The following GATAD2B variants were observed in gnomAD, a reference collection of about 807,000 sequenced individuals.
The protein encoded by GATAD2B is transcriptional repressor p66-beta.
In GATAD2B, 8 loss-of-function variants were observed where a neutral mutation model predicts 64.3. The ratio of observed to expected loss-of-function variants is 0.12; its 90% CI spans 0.07 to 0.22. GATAD2B has a LOEUF of 0.22. Among genes scored for constraint, GATAD2B ranks in the 10% least tolerant of loss-of-function variants. GATAD2B has a pLI of 1.00. For synonymous variants in GATAD2B, 281 were observed against 271.3 expected (o/e 1.04, Z -0.35); for missense variants, 453 against 752.0 (o/e 0.60, Z 4.65).
In GATAD2B at chr1:153,817,449, C is replaced by T; in HGVS notation, c.823G>A (p.Gly275Ser). The change falls in exon 6 of 11, where the codon GGT becomes AGT. Residue 275 changes from glycine to serine, a missense_variant. Physicochemically the swap from Gly to Ser is moderately conservative, Grantham distance 56. Around this residue, in one of 2 missense-constraint regions of GATAD2B, gnomAD observed 293 missense variants for 417.2 expected, o/e 0.70. Coordinates refer to ENST00000368655, the MANE Select transcript of GATAD2B (RefSeq NM_020699.4). ...CCAGGCTTAGGCGGGCCCCGCTGACCCTGTAGCTGGGCTGGGTTTGGTGCA... is the reference window on the plus strand; with the variant it reads ...CCAGGCTTAGGCGGGCCCCGCTGACTCTGTAGCTGGGCTGGGTTTGGTGCA... ...VIAPNPAQLQ[G>S]QRGPPKPGLV... is the part of the protein sequence containing the mutation. 1 of 1,613,248 alleles carries T rather than the reference C, an allele frequency of 6.2e-7. No homozygotes were observed. The highest frequency in any genetic ancestry group is 1.7e-5 in the Admixed American group (1 of 59,738).
intron 1 of GATAD2B, among the ~76,000 whole-genome samples, chr1:153,889,404 C>A (rs1385328072): frequency 7.7e-6 from 1 of 130,000 alleles, no homozygotes; most frequent in Admixed American, 8.2e-5. Flanking sequence ...AAGAGCGAAA[C>A]CCCGTCTCCA....
chr1:153,867,207 A>T (rs919934619), intron 1 of GATAD2B, among the ~76,000 whole-genome samples: 2 of 152,162 alleles, frequency 1.3e-5, no homozygotes, highest in African/African-American at 4.8e-5. Flanking sequence ...TTCTAAGAGG[A>T]GACTTAGATA....
At position 153,819,744 on chromosome 1, in the gene GATAD2B, GA is replaced by G; in HGVS notation, c.336-10del. On this transcript the variant is annotated splice_polypyrimidine_tract_variant and intron_variant, in intron 2 of 10. Coordinates refer to ENST00000368655, the MANE Select transcript of GATAD2B (RefSeq NM_020699.4). Reference sequence around the variant, plus strand: ...TTCCTCGCTCTGGCTCACTAGACAAGAAAGGGAAAAAATAAGCTATTTCCAA... The same window carrying G: ...TTCCTCGCTCTGGCTCACTAGACAAGAAGGGAAAAAATAAGCTATTTCCAA... The G allele has an allele frequency of 6.3e-7, 1 of 1,578,090 alleles. No individual in the cohort carries two copies.
intron 1 of GATAD2B, among the ~76,000 whole-genome samples, chr1:153,871,253 G>A (rs550959628): frequency 2.0e-4 from 31 of 152,240 alleles, no homozygotes; most frequent in African/African-American, 5.5e-4. Flanking sequence ...TTTTAATAGA[G>A]ACGGGGTTTC....
At chr1:153,892,087 C>T (rs772848020) in intron 1 of GATAD2B, among the ~76,000 whole-genome samples, 4 of 151,070 alleles carry the variant, frequency 2.6e-5, no homozygotes, top group Non-Finnish European at 4.4e-5. Flanking sequence ...ATTGCTTAAA[C>T]CCAGGAGGCG....
chr1:153,817,569 TA>T (rs1674524008), intron 5 of GATAD2B, 27 bp from the exon 6 acceptor site: 1 of 1,546,724 alleles, frequency 6.5e-7, no homozygotes, highest in South Asian at 1.2e-5. Context: ...GGAAAAGAAC[TA>T]ATCACAGGTT....
At chr1:153,909,236 C>A (rs1002450287) in intron 1 of GATAD2B, among the ~76,000 whole-genome samples, 3 of 151,758 alleles carry the variant, frequency 2.0e-5, no homozygotes, top group South Asian at 4.2e-4. Context: ...TTTTTTGACA[C>A]GGAGTCTTGC....
intron 1 of GATAD2B, among the ~76,000 whole-genome samples, chr1:153,857,786 G>A (rs565340251): frequency 1.7e-4 from 26 of 152,188 alleles, no homozygotes; most frequent in Admixed American, 5.9e-4. Flanking sequence ...ATCAGCCAGA[G>A]GTCCAAGACC....
intron 1 of GATAD2B, chr1:153,852,979 A>C: frequency 1.0e-6 from 1 of 983,630 alleles, no homozygotes; most frequent in Non-Finnish European, 1.6e-6. Flanking sequence ...GGTCTTCTCC[A>C]CAGTGCCAGT....
Position 153,819,590 on chromosome 1 carries a change from T to A in GATAD2B, c.465+16A>T. 1 of 1,554,398 alleles carries A rather than the reference T, an allele frequency of 6.4e-7. No individual in the cohort carries two copies. The highest frequency in any genetic ancestry group is 8.7e-7 in the Non-Finnish European group (1 of 1,147,430). ...AGGAGCATAACAAGAAGAAAGAAATTTTTCTTTCTTTTTACCTTAAACATC... is the reference window on the plus strand; with the variant it reads ...AGGAGCATAACAAGAAGAAAGAAATATTTCTTTCTTTTTACCTTAAACATC... On this transcript the variant is annotated intron_variant, in intron 3 of 10. Transcript: ENST00000368655.
In GATAD2B at chr1:153,906,412, C is replaced by CT. The variant is rs374595256; in HGVS notation, c.-2+16320dup. The stretch of plus-strand genomic sequence containing the variant: ...CCAGCCTGGGCGACAGAGCCAGACT[C>CT]TGTCTTAACAACAAAAAATTAACAC... On this transcript the variant is annotated intron_variant, in intron 1 of 10. Coordinates refer to ENST00000368655, the MANE Select transcript of GATAD2B (RefSeq NM_020699.4). 2.6e-3 allele frequency among the ~76,000 whole-genome samples: 394 copies of CT among 152,282 alleles called. 1 individual carries two copies. Among genetic ancestry groups the CT allele is most frequent in the African/African-American group, 9.2e-3 (382 of 41,546 alleles).
At chr1:153,826,948 A>C (rs942545761) in intron 2 of GATAD2B, among the ~76,000 whole-genome samples, 6 of 151,536 alleles carry the variant, frequency 4.0e-5, no homozygotes, top group Non-Finnish European at 7.4e-5. Flanking sequence ...CTTAAAAAAA[A>C]AAAAAAAAAA....
chr1:153,859,239 T>C (rs1298660561), intron 1 of GATAD2B, among the ~76,000 whole-genome samples: 1 of 151,376 alleles, frequency 6.6e-6, no homozygotes, highest in Non-Finnish European at 1.5e-5. Context: ...TGGTGGAGTG[T>C]GCCTGTTGTT....
intron 1 of GATAD2B, among the ~76,000 whole-genome samples, chr1:153,904,141 G>A (rs1571003514): frequency 1.3e-5 from 2 of 151,932 alleles, no homozygotes; most frequent in South Asian, 4.1e-4. Context: ...TTAGCCGGGC[G>A]TGGTGGCAGG....
At position 153,892,692 on chromosome 1, in the gene GATAD2B, CTT is replaced by C. The variant is rs144331770; in HGVS notation, c.-2+30039_-2+30040del. On this transcript the variant is annotated intron_variant, in intron 1 of 10. Coordinates refer to ENST00000368655, the MANE Select transcript of GATAD2B (RefSeq NM_020699.4). The stretch of plus-strand genomic sequence containing the variant: ...AGTATCCAGTAGACTTGTAAGAAAC[CTT>C]TTTTTTTTTTTTTTTTTTTTGAGAC... 3.7e-3 allele frequency among the ~76,000 whole-genome samples: 361 copies of C among 97,816 alleles called. 2 individuals carry two copies. Among genetic ancestry groups the C allele is most frequent in the East Asian group, 6.9e-3 (28 of 4,054 alleles). The allele number at this position is 97,816 out of a possible 152,430, so 64.2% of individuals were successfully genotyped here.
intron 1 of GATAD2B, among the ~76,000 whole-genome samples, chr1:153,921,538 T>C (rs1031929363): frequency 2.0e-5 from 3 of 152,102 alleles, no homozygotes; most frequent in Non-Finnish European, 4.4e-5. Context: ...ATATATTAAG[T>C]ATCCTTCGCC....
chr1:153,811,144 G>A (rs944719210), intron 10 of GATAD2B, among the ~76,000 whole-genome samples: 4 of 151,918 alleles, frequency 2.6e-5, no homozygotes, highest in African/African-American at 7.3e-5. Flanking sequence ...CAAGTGATTC[G>A]CCTGCCTCGG....
chr1:153,904,506 T>C (rs921333801), intron 1 of GATAD2B, among the ~76,000 whole-genome samples: 2 of 152,166 alleles, frequency 1.3e-5, no homozygotes, highest in African/African-American at 4.8e-5. Flanking sequence ...ATGATTCATT[T>C]ATAAGAGCAA....
chr1:153,822,290 A>G (rs987846426), intron 2 of GATAD2B, among the ~76,000 whole-genome samples: 7 of 152,302 alleles, frequency 4.6e-5, no homozygotes, highest in African/African-American at 1.7e-4. Flanking sequence ...TATACATTAC[A>G]GATTATTTCT....
Sources: allele counts gnomAD v4.1 joint callset (sites outside exome capture counted in the v4.1 genomes callset), GRCh38; gene constraint gnomAD v4.1.1; regional missense constraint gnomAD v4.1.1; transcripts MANE v1.5; gene names NCBI Gene and HGNC (gene_info 2026-07-23, HGNC 2026-07-21).